Variants in SKIC3 observed in about 807,000 individuals in gnomAD.
The protein encoded by SKIC3 is SKI3 subunit of superkiller complex, also known as superkiller complex protein 3.
the SKIC3 span, among the ~76,000 whole-genome samples, chr5:95,504,304 C>G: frequency 3.3e-5 from 5 of 149,892 alleles, no homozygotes; most frequent in African/African-American, 1.3e-4. Flanking sequence ...CCACTGCACT[C>G]CAGCCTGGGC....
At chr5:95,491,018 G>T in the SKIC3 span, 1 of 1,613,848 alleles carries the variant, frequency 6.2e-7, no homozygotes, top group Non-Finnish European at 8.5e-7. Context: ...CATTAGCCCA[G>T]CCCAGATAGC....
At chr5:95,489,323 G>A in the SKIC3 span, among the ~76,000 whole-genome samples, 257 of 151,952 alleles carry the variant, frequency 1.7e-3, 1 homozygote, top group African/African-American at 6.0e-3. Context: ...ATTTGATTAT[G>A]TGTGCTTACG....
At chr5:95,528,047 T>C in the SKIC3 span, 2 of 1,613,490 alleles carry the variant, frequency 1.2e-6, no homozygotes. Context: ...CTCTGAAGAG[T>C]CATAATCTGA....
At chr5:95,495,034 T>C in the SKIC3 span, 1 of 1,612,510 alleles carries the variant, frequency 6.2e-7, no homozygotes, top group Non-Finnish European at 8.5e-7. Context: ...CAGAAAATAT[T>C]GATGATTTAT....
the SKIC3 span, among the ~76,000 whole-genome samples, chr5:95,469,529 C>G: frequency 6.6e-6 from 1 of 152,212 alleles, no homozygotes; most frequent in Admixed American, 6.5e-5. Context: ...GAAATGCTAT[C>G]ATGCCAAACC....
the SKIC3 span, among the ~76,000 whole-genome samples, chr5:95,552,087 T>G: frequency 6.6e-6 from 1 of 152,194 alleles, no homozygotes; most frequent in African/African-American, 2.4e-5. Context: ...TGGTTGAACT[T>G]ACAATTTTTT....
chr5:95,501,061 T>C, the SKIC3 span, among the ~76,000 whole-genome samples: 18 of 152,194 alleles, frequency 1.2e-4, no homozygotes, highest in Admixed American at 3.3e-4. Context: ...AGTATGTCAG[T>C]CAGTGTCATG....
the SKIC3 span, chr5:95,529,087 G>A: frequency 5.6e-6 from 9 of 1,613,512 alleles, no homozygotes; most frequent in Admixed American, 1.7e-5. Context: ...TGTGCAGACA[G>A]GGCTTTCCTT....
the SKIC3 span, among the ~76,000 whole-genome samples, chr5:95,531,000 T>C: frequency 6.6e-6 from 1 of 151,626 alleles, no homozygotes; most frequent in Non-Finnish European, 1.5e-5. Flanking sequence ...TTTAATCACA[T>C]AGGAGAATTC....
the SKIC3 span, among the ~76,000 whole-genome samples, chr5:95,496,017 T>C: frequency 3.3e-5 from 5 of 151,568 alleles, no homozygotes; most frequent in African/African-American, 1.2e-4. Flanking sequence ...ACAATTTCTT[T>C]CTTTTTTTTT....
At chr5:95,499,571 C>T in the SKIC3 span, among the ~76,000 whole-genome samples, 1 of 152,092 alleles carries the variant, frequency 6.6e-6, no homozygotes, top group African/African-American at 2.4e-5. Flanking sequence ...TATAAATTAG[C>T]TTCTTTGAGT....
the SKIC3 span, among the ~76,000 whole-genome samples, chr5:95,468,573 A>G: frequency 1.3e-5 from 2 of 152,180 alleles, no homozygotes; most frequent in African/African-American, 4.8e-5. Context: ...ACTAACATCT[A>G]TGACTCCAAA....
chr5:95,536,953 A>G, the SKIC3 span: 30 of 1,601,618 alleles, frequency 1.9e-5, no homozygotes, highest in Non-Finnish European at 2.6e-5. Flanking sequence ...AAAATACACT[A>G]CATTCTAGTA....
At chr5:95,548,048 A>T in the SKIC3 span, among the ~76,000 whole-genome samples, 1 of 152,090 alleles carries the variant, frequency 6.6e-6, no homozygotes, top group Admixed American at 6.6e-5. Context: ...TAGTCTTAAG[A>T]TATATTAATT....
At chr5:95,513,379 T>TTG in the SKIC3 span, 3,554 of 566,984 alleles carry the variant, frequency 6.3e-3, 20 homozygotes, top group Non-Finnish European at 9.1e-3. Context: ...AATTTTTAAT[T>TTG]TTTTTTTTTA....
At chr5:95,470,166 G>C in the SKIC3 span, among the ~76,000 whole-genome samples, 8 of 151,998 alleles carry the variant, frequency 5.3e-5, no homozygotes, top group Non-Finnish European at 7.4e-5. Flanking sequence ...TTTTAGTAGA[G>C]ATGGGGTTTC....
the SKIC3 span, chr5:95,498,594 G>A: frequency 1.9e-6 from 3 of 1,602,080 alleles, no homozygotes; most frequent in Admixed American, 1.7e-5. Context: ...AGATAGAGCT[G>A]TAAAGATATT....
At chr5:95,535,386 C>T in the SKIC3 span, among the ~76,000 whole-genome samples, 1 of 146,050 alleles carries the variant, frequency 6.8e-6, no homozygotes, top group African/African-American at 2.5e-5. Context: ...TCTCGGCTCA[C>T]TGCAACCTCC....
At chr5:95,480,250 C>A in the SKIC3 span, among the ~76,000 whole-genome samples, 1 of 151,834 alleles carries the variant, frequency 6.6e-6, no homozygotes, top group East Asian at 1.9e-4. Flanking sequence ...GAATTAAGAA[C>A]TATTCATTAA....
Sources: gnomAD v4.1 joint callset for allele counts (sites outside exome capture counted in the v4.1 genomes callset) on GRCh38, gnomAD v4.1.1 for gene constraint, MANE v1.5 for transcripts, NCBI Gene and HGNC (gene_info 2026-07-23, HGNC 2026-07-21) for gene names.